SLC25A24: variants seen among roughly 807,000 people sequenced by gnomAD.
SLC25A24 encodes the protein mitochondrial adenyl nucleotide antiporter SLC25A24.
Under a neutral mutation model 60.7 loss-of-function variants are expected in SLC25A24, and 49 were observed. That is an observed-to-expected ratio of 0.81 (90% CI 0.64 to 1.02). The LOEUF is 1.02. Among genes scored for constraint, SLC25A24 ranks in the 50% least tolerant of loss-of-function variants. The pLI is 0.00. For synonymous variants in SLC25A24, 202 were observed against 200.6 expected (o/e 1.01, Z -0.06); for missense variants, 564 against 586.3 (o/e 0.96, Z 0.39).
At position 108,135,357 on chromosome 1, in the gene SLC25A24, A is replaced by C. The variant is rs749687464; in HGVS notation, c.*1296T>G. 1 of 152,616 alleles carries C rather than the reference A, an allele frequency of 6.6e-6. No homozygotes were observed. Among genetic ancestry groups the C allele is most frequent in the Non-Finnish European group, 1.5e-5 (1 of 68,012 alleles). 9.5% of individuals were successfully genotyped at this position (152,616 alleles called of 1,614,324 possible). A position where few individuals can be genotyped will look rare whatever the true frequency, so the allele number is the denominator to read the frequency against. On this transcript the variant is annotated 3_prime_UTR_variant, in exon 10 of 10. Coordinates refer to ENST00000565488, the MANE Select transcript of SLC25A24 (RefSeq NM_013386.5). ...ATTTTCATTAAAATGCTGGAAATTTATAACAGAAATTATTAGAAGTGAAAT... is the reference window on the plus strand; with the variant it reads ...ATTTTCATTAAAATGCTGGAAATTTCTAACAGAAATTATTAGAAGTGAAAT...
intron 5 of SLC25A24, 138 bp downstream of exon 5, chr1:108,157,324 C>T: frequency 2.2e-6 from 2 of 915,106 alleles, no homozygotes; most frequent in South Asian, 2.2e-5. Flanking sequence ...TTAGAGTTAA[C>T]AGCAACAAAA....
At chr1:108,144,745 A>G (rs1679540676) in intron 7 of SLC25A24, among the ~76,000 whole-genome samples, 1 of 152,104 alleles carries the variant, frequency 6.6e-6, no homozygotes, top group Non-Finnish European at 1.5e-5. Flanking sequence ...CCATGTCCCT[A>G]CAAAGGACAT....
rs557541616 is a variant in SLC25A24 at position 108,148,455 on chromosome 1, A to G, written c.823-69T>C. 1.6e-4 allele frequency: 141 copies of G among 873,458 alleles called. 1 individual carries two copies. The highest frequency in any genetic ancestry group is 1.4e-3 in the South Asian group (104 of 74,788). 54.1% of individuals were successfully genotyped at this position (873,458 alleles called of 1,614,324 possible). A position where few individuals can be genotyped will look rare whatever the true frequency, so the allele number is the denominator to read the frequency against. ...ACTGAGCTGCACCCCCACCAAATTC[A>G]TATGTTGAAGCTGTAACCTCCCATG... On this transcript the variant is annotated intron_variant, in intron 6 of 9. Coordinates refer to ENST00000565488, the MANE Select transcript of SLC25A24 (RefSeq NM_013386.5).
intron 1 of SLC25A24, among the ~76,000 whole-genome samples, chr1:108,191,472 G>A (rs1377503582): frequency 1.4e-5 from 2 of 140,002 alleles, no homozygotes; most frequent in African/African-American, 2.5e-5. Flanking sequence ...CTTTTTTCTA[G>A]GAATTAAAAA....
chr1:108,153,667 T>C (rs1432103140), intron 6 of SLC25A24, among the ~76,000 whole-genome samples: 2 of 152,292 alleles, frequency 1.3e-5, no homozygotes, highest in South Asian at 2.1e-4. Context: ...TGTAGACAGC[T>C]TTCTCTTCAT....
At chr1:108,196,078 G>T (rs1175355966) in intron 1 of SLC25A24, among the ~76,000 whole-genome samples, 3 of 151,320 alleles carry the variant, frequency 2.0e-5, no homozygotes, top group African/African-American at 7.3e-5. Flanking sequence ...ATTACTTAAT[G>T]GAGTGAAATC....
At position 108,185,845 on chromosome 1, in the gene SLC25A24, A is replaced by G; in HGVS notation, c.293T>C (p.Leu98Ser). The change falls in exon 2 of 10, where the codon TTA becomes TCA. Residue 98 changes from leucine (L) to serine (S), a missense_variant. Leu to Ser is a moderately radical substitution (Grantham distance 145, BLOSUM62 -2). Transcript: ENST00000565488. ...EKKMKLAFKS[L>S]DKNNDGKIEA... ...AGACACACCATCATTATTTTTGTCT[A>G]AACTCTTAAATGCCAATTTCATTTT... 1 of 1,589,200 alleles carries G rather than the reference A, an allele frequency of 6.3e-7. No homozygotes were observed. Among genetic ancestry groups the G allele is most frequent in the Non-Finnish European group, 8.6e-7 (1 of 1,163,586 alleles).
chr1:108,169,818 TTGTC>T (rs1647383978), intron 3 of SLC25A24, among the ~76,000 whole-genome samples: 1 of 152,216 alleles, frequency 6.6e-6, no homozygotes, highest in South Asian at 2.1e-4. Context: ...TTCACCTACT[TTGTC>T]TGTTTTCAAA....
chr1:108,161,277 T>A lies in SLC25A24; in HGVS notation c.415A>T (p.Thr139Ser), dbSNP rs1680075272. Residue 139 changes from threonine to serine, a missense_variant, in exon 4 of 10, where the codon ACA (threonine) becomes TCA (serine). By Grantham distance (58) the Thr-to-Ser change is moderately conservative. Transcript: ENST00000565488. ...LILQSIDVDGTMTVDWNEWRD... is the reference protein window; with the variant it reads ...LILQSIDVDGSMTVDWNEWRD... ...CATTCATTCCAGTCCACTGTCATTG[T>A]CCCATCAACATCAATGCTGAAATTT... 1 of 1,579,066 alleles carries A rather than the reference T, an allele frequency of 6.3e-7. No individual in the cohort carries two copies. Among genetic ancestry groups the A allele is most frequent in the African/African-American group, 1.3e-5 (1 of 74,120 alleles).
chr1:108,160,461 C>T (rs1336617080), intron 4 of SLC25A24, among the ~76,000 whole-genome samples: 1 of 150,784 alleles, frequency 6.6e-6, no homozygotes, highest in East Asian at 2.0e-4. Flanking sequence ...TCCTCACTTT[C>T]CAGACTGGGC....
At chr1:108,162,827 TG>T (rs1345883849) in intron 3 of SLC25A24, among the ~76,000 whole-genome samples, 3 of 150,308 alleles carry the variant, frequency 2.0e-5, no homozygotes, top group African/African-American at 7.3e-5. Context: ...TTTTGGCTTT[TG>T]TTGCCATTGC....
chr1:108,151,693 A>C (rs1679761563), intron 6 of SLC25A24, among the ~76,000 whole-genome samples: 1 of 152,116 alleles, frequency 6.6e-6, no homozygotes, highest in African/African-American at 2.4e-5. Context: ...CAATGGCTCA[A>C]CTCAGCAACA....
At chr1:108,184,341 G>A (rs559234317) in intron 2 of SLC25A24, among the ~76,000 whole-genome samples, 22 of 152,278 alleles carry the variant, frequency 1.4e-4, no homozygotes, top group African/African-American at 4.8e-4. Context: ...GCAGAGGGTC[G>A]ATGTTGGAAT....
chr1:108,197,839 C>T (rs1199498661), intron 1 of SLC25A24, among the ~76,000 whole-genome samples: 1 of 152,150 alleles, frequency 6.6e-6, no homozygotes, highest in Non-Finnish European at 1.5e-5. Context: ...AAGTCTGATC[C>T]CTGATGTGGC....
intron 4 of SLC25A24, 47 bp downstream of exon 4, chr1:108,161,135 T>C (rs757622675): frequency 9.4e-7 from 1 of 1,059,800 alleles, no homozygotes; most frequent in Admixed American, 1.8e-5. Context: ...TAACTGTACC[T>C]ATGGTTTATA....
At chr1:108,192,796 A>C in intron 1 of SLC25A24, 1 of 1,287,440 alleles carries the variant, frequency 7.8e-7, no homozygotes, top group Non-Finnish European at 9.9e-7. Flanking sequence ...CTCTGGAAGG[A>C]GAGGGCTCAT....
intron 4 of SLC25A24, among the ~76,000 whole-genome samples, chr1:108,160,412 G>C (rs35555252): frequency 6.9e-6 from 1 of 145,950 alleles, no homozygotes; most frequent in East Asian, 2.1e-4. Context: ...GGGCAGAGAC[G>C]CTCACTTCCT....
Position 108,199,976 on chromosome 1 carries a change from G to C in SLC25A24, c.163C>G (p.Leu55Val). 6.2e-7 allele frequency: 1 copy of C among 1,610,058 alleles called. No individual in the cohort carries two copies. The highest frequency in any genetic ancestry group is 1.1e-5 in the South Asian group (1 of 89,960). The change falls in exon 1 of 10, where the codon CTG becomes GTG. Residue 55 changes from leucine (L) to valine (V), a missense_variant. Leu to Val is a conservative substitution (Grantham distance 32). Coordinates refer to ENST00000565488, the MANE Select transcript of SLC25A24 (RefSeq NM_013386.5). ...QEGLRNLGIP[L>V]GQDAEEKIFT... ...CCCACCTCCTCGGCGTCCTGGCCCA[G>C]AGGGATGCCCAGGTTCCTGAGCCCC...
At chr1:108,146,851 A>C (rs1679607209) in intron 7 of SLC25A24, among the ~76,000 whole-genome samples, 1 of 152,184 alleles carries the variant, frequency 6.6e-6, no homozygotes, top group Non-Finnish European at 1.5e-5. Context: ...ATTGATGTTC[A>C]TCAGGGATAT....
Sources: allele counts gnomAD v4.1 joint callset (sites outside exome capture counted in the v4.1 genomes callset), GRCh38; gene constraint gnomAD v4.1.1; transcripts MANE v1.5; gene names NCBI Gene and HGNC (gene_info 2026-07-23, HGNC 2026-07-21).